STAG1: variants seen among roughly 807,000 people sequenced by gnomAD.
STAG1 encodes cohesin subunit SA-1.
Under a neutral mutation model 170.9 loss-of-function variants are expected in STAG1, and 26 were observed. That is an observed-to-expected ratio of 0.15 (90% CI 0.11 to 0.21). The LOEUF (loss-of-function observed/expected upper bound fraction) is 0.21, where lower values mean the gene tolerates loss of function less well. STAG1 is among the 10% of genes least tolerant of loss of function. The probability of loss-of-function intolerance (pLI) is 1.00; values close to 1 mark genes in which losing one functional copy is unlikely to be tolerated. For synonymous variants in STAG1, 514 were observed against 497.7 expected (o/e 1.03, Z -0.44); for missense variants, 964 against 1,509.5 (o/e 0.64, Z 5.99).
At chr3:136,671,312 C>CA (rs1013312748) in intron 1 of STAG1, among the ~76,000 whole-genome samples, 4 of 151,840 alleles carry the variant, frequency 2.6e-5, no homozygotes, top group Admixed American at 6.6e-5. Flanking sequence ...CACACACACA[C>CA]AAAAAATCAT....
chr3:136,433,512 G>T, intron 16 of STAG1, 44 bp downstream of exon 16: 2 of 1,384,774 alleles, frequency 1.4e-6, no homozygotes, highest in Non-Finnish European at 2.0e-6. Flanking sequence ...ACAGTTAATT[G>T]CCATTAAAAA....
rs1391967773 is a variant in STAG1, at chr3:136,433,580, T to C, written c.1626A>G (p.Pro542=). The C allele has an allele frequency of 1.9e-6, 3 of 1,600,556 alleles. No homozygotes were observed. Among genetic ancestry groups the C allele is most frequent in the Non-Finnish European group, 1.7e-6 (2 of 1,175,276 alleles). The change falls in exon 16 of 34, where the codon CCA becomes CCG. Residue 542 remains proline (P), a synonymous_variant. Transcript: ENST00000383202. ...CTCTCTTGCCGGTACCCCTTCCCACTGGAGGATGTGCCTCAGCAGCTTGAC... is the reference window on the plus strand; with the variant it reads ...CTCTCTTGCCGGTACCCCTTCCCACCGGAGGATGTGCCTCAGCAGCTTGAC... ...TIRQAAEAHP[P]VGRGTGKRVL...
intron 9 of STAG1, among the ~76,000 whole-genome samples, chr3:136,494,832 A>C (rs1932997339): frequency 6.6e-6 from 1 of 152,218 alleles, no homozygotes; most frequent in South Asian, 2.1e-4. Flanking sequence ...CTAATTTCAA[A>C]GTCTAATTGT....
intron 4 of STAG1, among the ~76,000 whole-genome samples, chr3:136,585,398 C>T (rs1197382254): frequency 3.3e-5 from 5 of 151,926 alleles, no homozygotes; most frequent in South Asian, 4.1e-4. Flanking sequence ...GCCGAGATCA[C>T]GCCGCTGCAC....
At chr3:136,739,685 G>A (rs1434051998) in intron 1 of STAG1, among the ~76,000 whole-genome samples, 2 of 151,746 alleles carry the variant, frequency 1.3e-5, no homozygotes, top group Non-Finnish European at 2.9e-5. Flanking sequence ...TTAGCCAGAT[G>A]TGGTGGCAGG....
At chr3:136,405,387 G>T (rs150100715) in intron 21 of STAG1, among the ~76,000 whole-genome samples, 2 of 151,660 alleles carry the variant, frequency 1.3e-5, no homozygotes, top group African/African-American at 4.8e-5. Flanking sequence ...GATTACAGAT[G>T]TGTGCTACCA....
chr3:136,542,053 A>G, intron 6 of STAG1, 66 bp downstream of exon 6: 1 of 1,176,920 alleles, frequency 8.5e-7, no homozygotes, highest in South Asian at 1.3e-5. Flanking sequence ...AAAACCTGAG[A>G]TAATCAACAT....
At chr3:136,390,711 C>G (rs113359802) in intron 22 of STAG1, among the ~76,000 whole-genome samples, 6 of 152,328 alleles carry the variant, frequency 3.9e-5, no homozygotes, top group African/African-American at 1.2e-4. Context: ...CACTCCCTTC[C>G]TCTCAAAGCA....
chr3:136,644,473 T>C (rs574232726), intron 1 of STAG1, among the ~76,000 whole-genome samples: 2 of 152,316 alleles, frequency 1.3e-5, no homozygotes, highest in Admixed American at 1.3e-4. Flanking sequence ...TTCTCTAGTG[T>C]TTCCCACTGA....
At chr3:136,595,632 G>A (rs560707320) in intron 4 of STAG1, among the ~76,000 whole-genome samples, 2 of 151,142 alleles carry the variant, frequency 1.3e-5, no homozygotes, top group East Asian at 1.9e-4. Flanking sequence ...AGCCGAGACC[G>A]CACCACTGCA....
At position 136,463,770 on chromosome 3, in the gene STAG1, T is replaced by TACACACACAC. The variant is rs375928916; in HGVS notation, c.1313+1101_1313+1110dup. The stretch of plus-strand genomic sequence containing the variant: ...GTGTGTGTGTGTGTGTGTGTGTGTA[T>TACACACACAC]ACACACACACACACACACACATATA... On this transcript the variant is annotated intron_variant, in intron 13 of 33. Transcript: ENST00000383202. Among the ~76,000 whole-genome samples, 245 of 126,394 alleles carry TACACACACAC rather than the reference T, an allele frequency of 1.9e-3. 2 individuals are homozygous for TACACACACAC. The highest frequency in any genetic ancestry group is 8.3e-3 in the Middle Eastern group (2 of 242). 82.9% of individuals were successfully genotyped at this position (126,394 alleles called of 152,430 possible). A position where few individuals can be genotyped will look rare whatever the true frequency, so the allele number is the denominator to read the frequency against.
At chr3:136,486,077 A>C (rs1198374354) in intron 9 of STAG1, among the ~76,000 whole-genome samples, 1 of 152,312 alleles carries the variant, frequency 6.6e-6, no homozygotes, top group East Asian at 1.9e-4. Context: ...TGATTCAGTG[A>C]GTGGCAACAA....
intron 4 of STAG1, among the ~76,000 whole-genome samples, chr3:136,592,136 C>G (rs1347695743): frequency 6.6e-6 from 1 of 152,100 alleles, no homozygotes; most frequent in Admixed American, 6.5e-5. Context: ...CTGAACTGAT[C>G]CTGAACCCTC....
intron 14 of STAG1, among the ~76,000 whole-genome samples, chr3:136,446,974 T>A (rs1190402981): frequency 6.6e-6 from 1 of 150,634 alleles, no homozygotes; most frequent in Non-Finnish European, 1.5e-5. Context: ...CTGCTAATTT[T>A]TGTATTTTTA....
chr3:136,340,769 C>T (rs557674230), intron 31 of STAG1, among the ~76,000 whole-genome samples, 164 bp from the exon 32 acceptor site: 1 of 152,310 alleles, frequency 6.6e-6, no homozygotes, highest in South Asian at 2.1e-4. Flanking sequence ...AAGAATCATT[C>T]CTTTGGTTCA....
intron 1 of STAG1, among the ~76,000 whole-genome samples, chr3:136,674,288 T>G (rs1325009291): frequency 2.0e-5 from 3 of 151,934 alleles, no homozygotes; most frequent in African/African-American, 7.3e-5. Flanking sequence ...CTGGAATATA[T>G]CCATACAATG....
intron 9 of STAG1, among the ~76,000 whole-genome samples, chr3:136,498,233 T>TATATATATATATATATACACACAC: frequency 1.7e-5 from 1 of 57,492 alleles, no homozygotes; most frequent in African/African-American, 1.0e-4. Flanking sequence ...TATATATATA[T>TATATATATATATATATACACACAC]ACACATACAT....
intron 1 of STAG1, among the ~76,000 whole-genome samples, chr3:136,694,979 CTGTT>C (rs1462040903): frequency 1.3e-5 from 2 of 152,132 alleles, no homozygotes; most frequent in Admixed American, 6.6e-5. Flanking sequence ...TCCTTTTTCT[CTGTT>C]TGTCTGAGAT....
intron 4 of STAG1, among the ~76,000 whole-genome samples, chr3:136,602,393 A>C (rs1225338717): frequency 6.6e-6 from 1 of 151,914 alleles, no homozygotes; most frequent in Non-Finnish European, 1.5e-5. Context: ...AAAAAAAAAA[A>C]AAAGAGAGAG....
Sources: allele counts gnomAD v4.1 joint callset (sites outside exome capture counted in the v4.1 genomes callset), GRCh38; gene constraint gnomAD v4.1.1; transcripts MANE v1.5; gene names NCBI Gene and HGNC (gene_info 2026-07-23, HGNC 2026-07-21).